The following NOTCH1 variants were observed in gnomAD, a reference collection of about 807,000 sequenced individuals.
NOTCH1 encodes the protein neurogenic locus notch homolog protein 1.
NOTCH1 carries 37 observed loss-of-function variants against 254.8 expected under a neutral mutation model. The ratio of observed to expected loss-of-function variants is 0.15; its 90% CI spans 0.11 to 0.19. NOTCH1 has a LOEUF of 0.19. Ranked by LOEUF, NOTCH1 falls within the 10% of genes least tolerant of loss-of-function variation. The pLI, the probability that NOTCH1 is intolerant of heterozygous loss-of-function variation, is 1.00. For synonymous variants in NOTCH1, 1,731 were observed against 1,618.1 expected, an observed-to-expected ratio of 1.07 and a Z score of -1.68; for missense variants, 2,972 against 3,708.6, an observed-to-expected ratio of 0.80 and a Z score of 5.16.
At position 136,505,606 on chromosome 9, in the gene NOTCH1, G is replaced by A. The variant is rs78857347; in HGVS notation, c.4290C>T (p.Tyr1430=). 1.4e-4 allele frequency: 233 copies of A among 1,611,646 alleles called. 2 individuals carry two copies. The East Asian group carries it at 4.9e-3, about 34-fold the overall frequency. The part of the protein sequence containing the change: ...FNGLLCHILD[Y]SFGGGAGRDI... ...CGCGCCCGGCCCCACCCCCGAAGCTGTAGTCCAGGATGTGGCACAAGAGCC... is the reference window on the plus strand; with the variant it reads ...CGCGCCCGGCCCCACCCCCGAAGCTATAGTCCAGGATGTGGCACAAGAGCC... Residue 1430 remains tyrosine (Y), a synonymous_variant, in exon 25 of 34, where the codon TAC becomes TAT. Transcript: ENST00000651671.
Position 136,506,481 on chromosome 9 carries a change from G to A in NOTCH1, c.4014+46C>T. 7 of 1,529,150 alleles carry A rather than the reference G, an allele frequency of 4.6e-6. 1 individual carries two copies. Among genetic ancestry groups the A allele is most frequent in the Middle Eastern group, 4.6e-4 (2 of 4,342 alleles). 94.7% of individuals were successfully genotyped at this position (1,529,150 alleles called of 1,614,324 possible). ...GAGGCCCCCACGTGGACCTCTCCAGGTGTCTCCCCTGGCGGGCCCCTGCCT... is the reference window on the plus strand; with the variant it reads ...GAGGCCCCCACGTGGACCTCTCCAGATGTCTCCCCTGGCGGGCCCCTGCCT... On this transcript the variant is annotated intron_variant, in intron 24 of 33. Transcript: ENST00000651671. This position sits in a 1 kb window ranked among gnomAD's most constrained non-coding sequence, Gnocchi z 4.5.
intron 2 of NOTCH1, among the ~76,000 whole-genome samples, chr9:136,527,897 G>A (rs186607416): frequency 2.0e-5 from 3 of 152,156 alleles, no homozygotes; most frequent in East Asian, 3.9e-4. Context: ...CACCTCTACC[G>A]CCACCACTTT....
In NOTCH1 at chr9:136,496,489, G is replaced by C. The variant is rs370652630; in HGVS notation, c.7250C>G (p.Pro2417Arg). Reference protein sequence around the residue: ...SLQPPPPPPQPHLGVSSAASG... With the variant: ...SLQPPPPPPQRHLGVSSAASG... ...GGCTGCTGAGCTCACGCCAAGGTGC[G>C]GCTGTGGTGGTGGTGGTGGCGGCTG... The change falls in exon 34 of 34, where the codon CCG (proline) becomes CGG (arginine). Residue 2417 changes from proline (P) to arginine (R), a missense_variant. By Grantham distance (103) the Pro-to-Arg change is moderately radical. Coordinates refer to ENST00000651671, the MANE Select transcript of NOTCH1 (RefSeq NM_017617.5). The C allele has an allele frequency of 1.9e-6, 3 of 1,601,662 alleles. No individual in the cohort carries two copies. The highest frequency in any genetic ancestry group is 4.5e-5 in the East Asian group (2 of 44,890).
At chr9:136,500,944 T>C in intron 30 of NOTCH1, 97 bp from the exon 31 acceptor site, 1 of 1,368,350 alleles carries the variant, frequency 7.3e-7, no homozygotes. Context: ...GGGGCCACGG[T>C]GTGGATGCAC....
chr9:136,496,602 C>G lies in NOTCH1; in HGVS notation c.7137G>C (p.Leu2379=). The change falls in exon 34 of 34, where the codon CTG becomes CTC. Residue 2379 remains leucine (L), a synonymous_variant. Coordinates refer to ENST00000651671, the MANE Select transcript of NOTCH1 (RefSeq NM_017617.5). ...PSTRLATQPH[L]VQTQQVQPQN... ...GTGGCTGCACCTGCTGGGTCTGCAC[C>G]AGGTGAGGCTGGGTGGCCAGCCGGG... The G allele has an allele frequency of 6.2e-7, 1 of 1,613,002 alleles. No homozygotes were observed. The highest frequency in any genetic ancestry group is 8.5e-7 in the Non-Finnish European group (1 of 1,179,992).
At chr9:136,529,366 C>T (rs1464949511) in intron 2 of NOTCH1, among the ~76,000 whole-genome samples, 2 of 152,230 alleles carry the variant, frequency 1.3e-5, no homozygotes, top group Non-Finnish European at 2.9e-5. Flanking sequence ...GTCCTGGGAC[C>T]TCAGCCCCTC....
At chr9:136,542,982 CT>C (rs1843754546) in intron 2 of NOTCH1, 1 of 153,392 alleles carries the variant, frequency 6.5e-6, no homozygotes. Context: ...TCCCGGCCCC[CT>C]CAGTGCCCAT....
Position 136,545,611 on chromosome 9 carries a change from T to C in NOTCH1, c.61+115A>G. The C allele has an allele frequency of 1.2e-6, 1 of 807,896 alleles. No individual in the cohort carries two copies. The highest frequency in any genetic ancestry group is 1.8e-6 in the Non-Finnish European group (1 of 560,058). 50.0% of individuals were successfully genotyped at this position (807,896 alleles called of 1,614,324 possible). On this transcript the variant is annotated intron_variant, in intron 1 of 33. Transcript: ENST00000651671. The surrounding 1 kb of genome is among the most constrained non-coding windows in gnomAD (Gnocchi z 6.8). ...ACGCCCCGGGCCGCCCGCTTTTCCC[T>C]CTCCATGCTGGCCTCCCCGCCGCCC...
chr9:136,535,212 G>A (rs925798519), intron 2 of NOTCH1, among the ~76,000 whole-genome samples: 18 of 152,026 alleles, frequency 1.2e-4, no homozygotes, highest in Non-Finnish European at 2.1e-4. Context: ...GGGATCTCCC[G>A]CCCAGCGGGT....
Position 136,497,267 on chromosome 9 carries a change from C to G in NOTCH1, c.6472G>C (p.Val2158Leu), listed in dbSNP as rs1842931985. ...SLKPGVQGKK[V>L]RKPSSKGLAC... ...AGGCCTTTGCTGCTGGGCTTGCGGA[C>G]CTTCTTGCCCTGCACGCCGGGCTTG... Residue 2158 changes from valine to leucine, a missense_variant, in exon 34 of 34, where the codon GTC becomes CTC. By Grantham distance (32) the Val-to-Leu change is conservative. Coordinates refer to ENST00000651671, the MANE Select transcript of NOTCH1 (RefSeq NM_017617.5). 6.2e-7 allele frequency: 1 copy of G among 1,610,928 alleles called. No individual in the cohort carries two copies. Among genetic ancestry groups the G allele is most frequent in the Admixed American group, 1.7e-5 (1 of 60,008 alleles).
chr9:136,511,147 C>G lies in NOTCH1; in HGVS notation c.2587+5G>C. The G allele has an allele frequency of 6.2e-7, 1 of 1,612,966 alleles. No homozygotes were observed. The highest frequency in any genetic ancestry group is 1.1e-5 in the South Asian group (1 of 91,084). Reference sequence around the variant, plus strand: ...CAGCCCTCACCGGGCCCTGGCCAGCCTCACCTTGCCAGCCCGTGGGGCAGA... The same window carrying G: ...CAGCCCTCACCGGGCCCTGGCCAGCGTCACCTTGCCAGCCCGTGGGGCAGA... On this transcript the variant is annotated splice_donor_5th_base_variant and intron_variant, in intron 16 of 33. Coordinates refer to ENST00000651671, the MANE Select transcript of NOTCH1 (RefSeq NM_017617.5).
intron 4 of NOTCH1, chr9:136,522,591 A>C: frequency 2.0e-6 from 1 of 503,340 alleles, no homozygotes; most frequent in South Asian, 3.2e-5. Context: ...GGCGTCCTAC[A>C]GCTCGAATGT....
At position 136,495,867 on chromosome 9, in the gene NOTCH1, A is replaced by G; in HGVS notation, c.*204T>C. ...GTTTCTACCTGGGGCCAGATAAAAC[A>G]GTACATATAAATAAAAAGGCAGTGT... On this transcript the variant is annotated 3_prime_UTR_variant, in exon 34 of 34. Coordinates refer to ENST00000651671, the MANE Select transcript of NOTCH1 (RefSeq NM_017617.5). 1 of 586,718 alleles carries G rather than the reference A, an allele frequency of 1.7e-6. No homozygotes were observed. The highest frequency in any genetic ancestry group is 2.9e-6 in the Non-Finnish European group (1 of 348,850). The allele number at this position is 586,718 out of a possible 1,614,324, so 36.3% of individuals were successfully genotyped here.
At chr9:136,498,639 T>C (rs1379065598) in intron 33 of NOTCH1, among the ~76,000 whole-genome samples, 1 of 151,854 alleles carries the variant, frequency 6.6e-6, no homozygotes, top group Non-Finnish European at 1.5e-5. Context: ...CCCAGGAGGG[T>C]AGGGCTGGGT....
In NOTCH1 at chr9:136,497,332, G is replaced by A. The variant is rs754410213; in HGVS notation, c.6407C>T (p.Ser2136Leu). ...GAPLGGTPTL[S>L]PPLCSPNGYL... ...GCCGTTGGGCGAGCAGAGCGGGGGC[G>A]ACAGGGTGGGCGTGCCCCCCAGCGG... Residue 2136 changes from serine to leucine, a missense_variant, in exon 34 of 34, where the codon TCG becomes TTG. Ser to Leu is a moderately radical substitution (Grantham distance 145). Around this residue, in one of 8 missense-constraint regions of NOTCH1, gnomAD observed 529 missense variants for 529.2 expected, o/e 1.00. Coordinates refer to ENST00000651671, the MANE Select transcript of NOTCH1 (RefSeq NM_017617.5). The A allele has an allele frequency of 3.7e-6, 6 of 1,606,188 alleles. No individual in the cohort carries two copies. Among genetic ancestry groups the A allele is most frequent in the East Asian group, 4.5e-5 (2 of 44,850 alleles).
chr9:136,545,629 C>A lies in NOTCH1; in HGVS notation c.61+97G>T. Reference sequence around the variant, plus strand: ...TTTTCCCTCTCCATGCTGGCCTCCCCGCCGCCCGCTCCCAGCCGTGGGGCG... The same window carrying A: ...TTTTCCCTCTCCATGCTGGCCTCCCAGCCGCCCGCTCCCAGCCGTGGGGCG... On this transcript the variant is annotated intron_variant, in intron 1 of 33. Coordinates refer to ENST00000651671, the MANE Select transcript of NOTCH1 (RefSeq NM_017617.5). This position sits in a 1 kb window ranked among gnomAD's most constrained non-coding sequence, Gnocchi z 6.8. The A allele has an allele frequency of 9.5e-7, 1 of 1,055,062 alleles. No individual in the cohort carries two copies. Among genetic ancestry groups the A allele is most frequent in the Non-Finnish European group, 1.3e-6 (1 of 767,636 alleles). The allele number at this position is 1,055,062 out of a possible 1,614,324, so 65.4% of individuals were successfully genotyped here.
intron 2 of NOTCH1, among the ~76,000 whole-genome samples, chr9:136,528,976 C>G (rs1401341221): frequency 1.3e-5 from 2 of 152,166 alleles, no homozygotes; most frequent in African/African-American, 4.8e-5. Flanking sequence ...AGGACCTGCC[C>G]CCAGCCTCAA....
intron 2 of NOTCH1, among the ~76,000 whole-genome samples, chr9:136,531,891 C>T (rs1564208644): frequency 1.3e-5 from 2 of 152,374 alleles, no homozygotes; most frequent in South Asian, 4.1e-4. Flanking sequence ...CGCCGGCTCC[C>T]TGCTCTCTGA....
At chr9:136,529,185 G>A (rs1249056336) in intron 2 of NOTCH1, among the ~76,000 whole-genome samples, 1 of 152,214 alleles carries the variant, frequency 6.6e-6, no homozygotes. Context: ...CCACCCATCG[G>A]CCTGCCCAAG....
Sources: gnomAD v4.1 joint callset for allele counts (sites outside exome capture counted in the v4.1 genomes callset) on GRCh38, gnomAD v4.1.1 for gene constraint, gnomAD v4.1.1 regional missense constraint, Gnocchi (gnomAD v3.1) non-coding constraint, MANE v1.5 for transcripts, NCBI Gene and HGNC (gene_info 2026-07-23, HGNC 2026-07-21) for gene names.